ZSWIM6: variants seen among roughly 807,000 people sequenced by gnomAD.
The protein encoded by ZSWIM6 is zinc finger SWIM-type containing 6, also known as zinc finger SWIM domain-containing protein 6.
In ZSWIM6, 9 loss-of-function variants were observed where a neutral mutation model predicts 113.2. That is an observed-to-expected ratio of 0.08 (90% CI 0.05 to 0.14). ZSWIM6 has a LOEUF of 0.14. Ranked by LOEUF, ZSWIM6 falls within the 10% of genes least tolerant of loss-of-function variation. The probability of loss-of-function intolerance (pLI) is 1.00; values close to 1 mark genes in which losing one functional copy is unlikely to be tolerated. For synonymous variants in ZSWIM6, 611 were observed against 606.5 expected, an observed-to-expected ratio of 1.01 and a Z score of -0.11; for missense variants, 1,162 against 1,552.2, an observed-to-expected ratio of 0.75 and a Z score of 4.22.
chr5:61,416,496 A>G (rs754417300), intron 1 of ZSWIM6, among the ~76,000 whole-genome samples: 1 of 152,176 alleles, frequency 6.6e-6, no homozygotes. Context: ...TCCTGGGGGT[A>G]TGATAGAATC....
chr5:61,410,612 A>G (rs1746134063), intron 1 of ZSWIM6, among the ~76,000 whole-genome samples: 1 of 151,922 alleles, frequency 6.6e-6, no homozygotes, highest in Non-Finnish European at 1.5e-5. Flanking sequence ...CCGGCGATTT[A>G]TTTCCTTTTT....
At chr5:61,432,717 T>C (rs1746613276) in intron 1 of ZSWIM6, among the ~76,000 whole-genome samples, 1 of 152,262 alleles carries the variant, frequency 6.6e-6, no homozygotes, top group Admixed American at 6.5e-5. Context: ...TTGTTCCAGA[T>C]ACTGTCTACT....
At chr5:61,482,764 T>G (rs921773217) in intron 2 of ZSWIM6, among the ~76,000 whole-genome samples, 2 of 152,142 alleles carry the variant, frequency 1.3e-5, no homozygotes, top group Non-Finnish European at 2.9e-5. Context: ...TCTTACATTA[T>G]AGAATTTTAG....
intron 1 of ZSWIM6, among the ~76,000 whole-genome samples, chr5:61,412,598 A>G (rs1224075734): frequency 6.6e-6 from 1 of 152,214 alleles, no homozygotes; most frequent in East Asian, 1.9e-4. Context: ...TGAAGAAAGC[A>G]AGTTCCGCAG....
intron 8 of ZSWIM6, 65 bp from the exon 9 acceptor site, chr5:61,531,400 T>G: frequency 6.7e-7 from 1 of 1,488,590 alleles, no homozygotes; most frequent in Non-Finnish European, 9.0e-7. Context: ...TATAAATATT[T>G]GTACTTATCA....
intron 1 of ZSWIM6, among the ~76,000 whole-genome samples, chr5:61,436,530 C>T (rs1746711315): frequency 6.6e-6 from 1 of 152,162 alleles, no homozygotes; most frequent in African/African-American, 2.4e-5. Context: ...ACCAGCTTTT[C>T]TGGTCTGATG....
intron 1 of ZSWIM6, among the ~76,000 whole-genome samples, chr5:61,345,914 C>T (rs1197099313): frequency 2.0e-5 from 3 of 152,124 alleles, no homozygotes; most frequent in Non-Finnish European, 4.4e-5. Flanking sequence ...TAGTATACAA[C>T]AGAAGGCAGA....
At chr5:61,342,560 C>G (rs1203970941) in intron 1 of ZSWIM6, among the ~76,000 whole-genome samples, 2 of 152,170 alleles carry the variant, frequency 1.3e-5, no homozygotes, top group Non-Finnish European at 2.9e-5. Flanking sequence ...GCAATACTGT[C>G]CATGATGCAT....
intron 1 of ZSWIM6, among the ~76,000 whole-genome samples, chr5:61,454,381 A>T (rs1747155441): frequency 6.6e-6 from 1 of 151,554 alleles, no homozygotes; most frequent in African/African-American, 2.4e-5. Context: ...TCAGCCTCCT[A>T]AGTAGCTGGG....
In ZSWIM6 at chr5:61,375,792, G is replaced by A. The variant is rs944969416; in HGVS notation, c.676+42844G>A. 6.9e-6 allele frequency: 10 copies of A among 1,454,948 alleles called. No homozygotes were observed. In the African/African-American group the frequency reaches 8.5e-5, roughly 12 times the overall value. The allele number at this position is 1,454,948 out of a possible 1,614,324, so 90.1% of individuals were successfully genotyped here. ...CAGAAAAAACAAAAAAGAAAAAGAA[G>A]CATAAGAAACACAGTAAGAAGAAGA... On this transcript the variant is annotated intron_variant, in intron 1 of 13. Coordinates refer to ENST00000252744, the MANE Select transcript of ZSWIM6 (RefSeq NM_020928.2).
intron 1 of ZSWIM6, among the ~76,000 whole-genome samples, chr5:61,433,201 T>G (rs1746622003): frequency 6.6e-6 from 1 of 152,222 alleles, no homozygotes; most frequent in African/African-American, 2.4e-5. Flanking sequence ...CTACCTTTCA[T>G]TCCCCCTCTA....
Position 61,377,224 on chromosome 5 carries a change from C to T in ZSWIM6, c.676+44276C>T, listed in dbSNP as rs187832997. On this transcript the variant is annotated intron_variant, in intron 1 of 13. Coordinates refer to ENST00000252744, the MANE Select transcript of ZSWIM6 (RefSeq NM_020928.2). ...AAAGGGTGTTGGGATAACTGGGTAG[C>T]CATCTGGAAAAAAATAAAGTTGGAT... 4.6e-5 allele frequency among the ~76,000 whole-genome samples: 7 copies of T among 152,054 alleles called. No individual in the cohort carries two copies. In the East Asian group the frequency reaches 1.2e-3, roughly 25 times the overall value.
chr5:61,335,353 CTTG>C (rs1744369888), intron 1 of ZSWIM6, among the ~76,000 whole-genome samples: 1 of 152,178 alleles, frequency 6.6e-6, no homozygotes. Flanking sequence ...AGTTGTATTA[CTTG>C]TTGTGCCAGT....
chr5:61,439,184 A>G (rs568871155), intron 1 of ZSWIM6, among the ~76,000 whole-genome samples: 1 of 152,298 alleles, frequency 6.6e-6, no homozygotes, highest in African/African-American at 2.4e-5. Context: ...TATATAGGAA[A>G]AGGCAAATGA....
intron 1 of ZSWIM6, among the ~76,000 whole-genome samples, chr5:61,403,228 T>G (rs947451891): frequency 4.6e-5 from 7 of 152,248 alleles, no homozygotes; most frequent in Non-Finnish European, 8.8e-5. Flanking sequence ...GGATTTATTT[T>G]AAAAATCCTC....
At chr5:61,486,437 C>A (rs1177255548) in intron 2 of ZSWIM6, among the ~76,000 whole-genome samples, 2 of 151,946 alleles carry the variant, frequency 1.3e-5, no homozygotes, top group African/African-American at 4.8e-5. Flanking sequence ...ATAATGTTTT[C>A]TTTTCCTCTG....
intron 1 of ZSWIM6, among the ~76,000 whole-genome samples, chr5:61,420,437 G>C (rs537856712): frequency 6.6e-6 from 1 of 152,136 alleles, no homozygotes; most frequent in East Asian, 1.9e-4. Context: ...TTATAATAAG[G>C]TTTTAAAATG....
chr5:61,378,645 T>TC (rs1461636788), intron 1 of ZSWIM6, among the ~76,000 whole-genome samples: 1 of 152,068 alleles, frequency 6.6e-6, no homozygotes, highest in Non-Finnish European at 1.5e-5. Flanking sequence ...AACCTCCGCC[T>TC]CCCAGGTTCA....
chr5:61,464,158 A>ATTTTTTTTTTTTTTTTTTTTTTTTT (rs869288331), intron 1 of ZSWIM6, among the ~76,000 whole-genome samples: 1 of 43,514 alleles, frequency 2.3e-5, no homozygotes, highest in Non-Finnish European at 4.1e-5. Flanking sequence ...CACCCGGCTA[A>ATTTTTTTTTTTTTTTTTTTTTTTTT]TTTTTTTTTT....
Sources: gnomAD v4.1 joint callset for allele counts (sites outside exome capture counted in the v4.1 genomes callset) on GRCh38, gnomAD v4.1.1 for gene constraint, MANE v1.5 for transcripts, NCBI Gene and HGNC (gene_info 2026-07-23, HGNC 2026-07-21) for gene names.